AHI1: variants seen among roughly 807,000 people sequenced by gnomAD.
AHI1 encodes the protein jouberin.
A neutral mutation model predicts 149.3 loss-of-function variants in AHI1; 123 were observed. The ratio of observed to expected loss-of-function variants is 0.82; its 90% CI spans 0.71 to 0.96. The LOEUF (loss-of-function observed/expected upper bound fraction) is 0.96. Ranked by LOEUF, AHI1 falls within the 40% of genes least tolerant of loss-of-function variation. The probability of loss-of-function intolerance (pLI) is 0.00; values close to 1 mark genes in which losing one functional copy is unlikely to be tolerated. For missense variants in AHI1, 1,439 were observed against 1,422.7 expected (o/e 1.01, Z -0.18); for synonymous variants, 475 against 459.8 (o/e 1.03, Z -0.42).
chr6:135,332,764 T>C (rs1788795727), intron 24 of AHI1, among the ~76,000 whole-genome samples: 1 of 152,224 alleles, frequency 6.6e-6, no homozygotes, highest in Non-Finnish European at 1.5e-5. Context: ...GTTATTCTGT[T>C]TTCCTTTTCC....
At chr6:135,429,286 A>C (rs563914441) in intron 18 of AHI1, among the ~76,000 whole-genome samples, 1 of 151,882 alleles carries the variant, frequency 6.6e-6, no homozygotes, top group South Asian at 2.1e-4. Context: ...AAAAAATAGT[A>C]AACACCATTT....
intron 28 of AHI1, among the ~76,000 whole-genome samples, chr6:135,288,924 C>T (rs1006974154): frequency 3.3e-5 from 5 of 151,880 alleles, no homozygotes; most frequent in Non-Finnish European, 5.9e-5. Flanking sequence ...GCAGTGTAAG[C>T]GGGAATCCAC....
intron 27 of AHI1, among the ~76,000 whole-genome samples, chr6:135,299,016 TA>T (rs1783520078): frequency 6.6e-6 from 1 of 152,178 alleles, no homozygotes; most frequent in South Asian, 2.1e-4. Flanking sequence ...AGTCTGTGCT[TA>T]TTGTTTCTAG....
At chr6:135,496,118 C>G (rs1488344469) in intron 2 of AHI1, among the ~76,000 whole-genome samples, 1 of 151,898 alleles carries the variant, frequency 6.6e-6, no homozygotes, top group East Asian at 1.9e-4. Context: ...GAAATCATCT[C>G]TAATTTTTTT....
chr6:135,482,182 A>C (rs1294228906), intron 5 of AHI1, among the ~76,000 whole-genome samples: 6 of 152,164 alleles, frequency 3.9e-5, no homozygotes, highest in Non-Finnish European at 7.3e-5. Flanking sequence ...AGTACACATA[A>C]GTTAAAATGC....
intron 24 of AHI1, among the ~76,000 whole-genome samples, chr6:135,357,099 C>T (rs1177124627): frequency 6.6e-6 from 1 of 152,126 alleles, no homozygotes; most frequent in Non-Finnish European, 1.5e-5. Context: ...CCACCATGCC[C>T]AGATAACTTT....
chr6:135,462,949 G>A (rs949853128), intron 8 of AHI1, among the ~76,000 whole-genome samples, 176 bp downstream of exon 8: 1 of 151,710 alleles, frequency 6.6e-6, no homozygotes, highest in Non-Finnish European at 1.5e-5. Context: ...ACTCATCAGA[G>A]ACCTACAGCT....
At chr6:135,476,038 A>G (rs1261700038) in intron 5 of AHI1, among the ~76,000 whole-genome samples, 1 of 152,144 alleles carries the variant, frequency 6.6e-6, no homozygotes, top group African/African-American at 2.4e-5. Flanking sequence ...CACTTTTTTA[A>G]GGTGAAAGCT....
intron 22 of AHI1, among the ~76,000 whole-genome samples, chr6:135,397,912 CTG>C (rs1779451316): frequency 6.6e-6 from 1 of 152,066 alleles, no homozygotes; most frequent in African/African-American, 2.4e-5. Context: ...TTAATGCTGT[CTG>C]TATACTTAAA....
intron 23 of AHI1, among the ~76,000 whole-genome samples, chr6:135,376,786 G>C (rs1775982090): frequency 6.7e-6 from 1 of 148,760 alleles, no homozygotes; most frequent in Non-Finnish European, 1.5e-5. Context: ...GGAGGCTGAG[G>C]CAGGAGAATC....
intron 6 of AHI1, among the ~76,000 whole-genome samples, chr6:135,466,962 T>C (rs561458457): frequency 1.3e-5 from 2 of 152,294 alleles, no homozygotes; most frequent in East Asian, 3.9e-4. Context: ...AAATGAGATA[T>C]ATTTTTAATA....
intron 5 of AHI1, among the ~76,000 whole-genome samples, chr6:135,486,556 T>C (rs947211875): frequency 3.3e-5 from 5 of 152,184 alleles, no homozygotes; most frequent in Non-Finnish European, 7.3e-5. Flanking sequence ...AGGTTATTCT[T>C]TTAACAAGAT....
intron 24 of AHI1, among the ~76,000 whole-genome samples, chr6:135,327,245 A>T (rs897720984): frequency 1.3e-5 from 2 of 152,182 alleles, no homozygotes; most frequent in African/African-American, 4.8e-5. Flanking sequence ...ACCCCAGCCT[A>T]AAACTACAAA....
chr6:135,436,913 A>T (rs189149555), intron 15 of AHI1, among the ~76,000 whole-genome samples: 2 of 152,256 alleles, frequency 1.3e-5, no homozygotes, highest in East Asian at 3.9e-4. Flanking sequence ...ATTTGAGCAT[A>T]TTTCTAAGAT....
At chr6:135,363,761 C>A (rs938093739) in intron 23 of AHI1, among the ~76,000 whole-genome samples, 1 of 129,210 alleles carries the variant, frequency 7.7e-6, no homozygotes, top group Non-Finnish European at 1.6e-5. Context: ...GCTGGCCGGG[C>A]GGGGGTTGAC....
intron 14 of AHI1, among the ~76,000 whole-genome samples, chr6:135,440,351 G>A (rs1786084166): frequency 6.6e-6 from 1 of 151,994 alleles, no homozygotes; most frequent in Non-Finnish European, 1.5e-5. Context: ...GCTAAGAAGA[G>A]GCTCACCAAA....
intron 23 of AHI1, among the ~76,000 whole-genome samples, chr6:135,391,386 C>G (rs899861822): frequency 7.9e-5 from 12 of 152,118 alleles, no homozygotes; most frequent in African/African-American, 2.9e-4. Flanking sequence ...TCAGATCAGG[C>G]ATTAGATTCT....
intron 24 of AHI1, among the ~76,000 whole-genome samples, chr6:135,331,845 T>A (rs1282118018): frequency 2.0e-5 from 3 of 152,142 alleles, no homozygotes; most frequent in Non-Finnish European, 2.9e-5. Context: ...TCTTTATGCT[T>A]TCTCCTTGAC....
Position 135,327,981 on chromosome 6 carries a change from C to T in AHI1, c.3166-4657G>A, listed in dbSNP as rs141788282. On this transcript the variant is annotated intron_variant, in intron 24 of 28. Transcript: ENST00000265602. ...ATATAAGTAAGTGTTTCCCTGAGTT[C>T]CATGAGTTACTCCAGCAAATTAAGT... Among the ~76,000 whole-genome samples the T allele has an allele frequency of 5.2e-3, 792 of 152,282 alleles. 4 individuals carry two copies. The highest frequency in any genetic ancestry group is 0.017 in the African/African-American group (722 of 41,554).
Sources: allele counts gnomAD v4.1 joint callset (sites outside exome capture counted in the v4.1 genomes callset), GRCh38; gene constraint gnomAD v4.1.1; transcripts MANE v1.5; gene names NCBI Gene and HGNC (gene_info 2026-07-23, HGNC 2026-07-21).